The following COL4A5 variants were observed in gnomAD, a reference collection of about 807,000 sequenced individuals.
COL4A5 encodes the protein collagen type IV alpha 5 chain, also known as collagen alpha-5(IV) chain.
Under a neutral mutation model 130.2 loss-of-function variants are expected in COL4A5, and 26 were observed. The observed-to-expected ratio is 0.20, with a 90% confidence interval of 0.15 to 0.28. The LOEUF (loss-of-function observed/expected upper bound fraction) is 0.28, where lower values mean the gene tolerates loss of function less well. Among genes scored for constraint, COL4A5 ranks in the 10% least tolerant of loss-of-function variants. The pLI, the probability that COL4A5 is intolerant of heterozygous loss-of-function variation, is 1.00. For synonymous variants in COL4A5, 496 were observed against 439.6 expected (o/e 1.13, Z -1.60); for missense variants, 1,131 against 1,344.3 (o/e 0.84, Z 2.48).
chrX:108,694,695 T>G, intron 50 of COL4A5, 112 bp from the exon 51 acceptor site: 1 of 591,059 alleles, frequency 1.7e-6, no homozygotes, highest in Non-Finnish European at 2.9e-6. Context: ...TTGTGATCAT[T>G]GAAAGAGACA....
chrX:108,646,761 C>G lies in COL4A5; in HGVS notation c.3247-8570C>G, dbSNP rs769248117. Among the ~76,000 whole-genome samples, 491 of 111,296 alleles carry G rather than the reference C, an allele frequency of 4.4e-3. 1 individual carries two copies. The highest frequency in any genetic ancestry group is 0.012 in the South Asian group (33 of 2,654). On this transcript the variant is annotated intron_variant, in intron 36 of 52. Transcript: ENST00000328300. ...CCATCTTGAATTAATTTTTGTATAA[C>G]GTGTAAGGAAGGTATCCAGTTTCAG...
intron 1 of COL4A5, among the ~76,000 whole-genome samples, chrX:108,467,516 C>G (rs2064718170): frequency 9.0e-6 from 1 of 111,494 alleles, no homozygotes; most frequent in Non-Finnish European, 1.9e-5. Context: ...TGAAGATTGA[C>G]TTTACTATTA....
chrX:108,697,405 A>G lies in COL4A5; in HGVS notation c.*1027A>G, dbSNP rs182458116. ...CTTTTAAGTTACAAAAAGCCAATTG[A>G]TGTTTCTTATTCTTTTTAAATTTTA... On this transcript the variant is annotated 3_prime_UTR_variant, in exon 53 of 53. Transcript: ENST00000328300. The G allele has an allele frequency of 1.8e-5, 2 of 110,932 alleles. No individual in the cohort carries two copies. The highest frequency in any genetic ancestry group is 9.7e-5 in the Admixed American group (1 of 10,278). 9.1% of individuals were successfully genotyped at this position (110,932 alleles called of 1,213,427 possible).
At chrX:108,473,633 A>ATATTTTTTTTTT in intron 1 of COL4A5, among the ~76,000 whole-genome samples, 65 of 34,560 alleles carry the variant, frequency 1.9e-3, no homozygotes, top group African/African-American at 6.7e-3. Context: ...ATATATATAT[A>ATATTTTTTTTTT]TTTTTTTTTT....
chrX:108,506,048 G>A (rs1409431245), intron 1 of COL4A5, among the ~76,000 whole-genome samples: 1 of 111,745 alleles, frequency 8.9e-6, no homozygotes, highest in African/African-American at 3.3e-5. Flanking sequence ...AAATATTGTT[G>A]TCACTGAAGC....
At chrX:108,468,900 T>C (rs1265837250) in intron 1 of COL4A5, among the ~76,000 whole-genome samples, 1 of 111,085 alleles carries the variant, frequency 9.0e-6, no homozygotes, top group African/African-American at 3.3e-5. Flanking sequence ...GCTATTCTGC[T>C]TTTTGGAAGA....
Position 108,584,490 on chromosome X carries a change from A to C in COL4A5, c.997A>C (p.Lys333Gln). Residue 333 changes from lysine (K) to glutamine (Q), a missense_variant, in exon 18 of 53, where the codon AAA becomes CAA. Coordinates refer to ENST00000328300, the MANE Select transcript of COL4A5 (RefSeq NM_033380.3). ...TTACAATTGCATTGAACAGGGCCAA[A>C]AAGGTGACACTGGCCCACCTGGACC... Reference protein sequence around the residue: ...EPGRDGEKGQKGDTGPPGPPG... With the variant: ...EPGRDGEKGQQGDTGPPGPPG... The C allele has an allele frequency of 8.3e-7, 1 of 1,208,116 alleles. No individual in the cohort carries two copies. Among genetic ancestry groups the C allele is most frequent in the Non-Finnish European group, 1.1e-6 (1 of 893,438 alleles).
Position 108,580,548 on chromosome X carries a change from C to G in COL4A5, c.796C>G (p.Arg266Gly), listed in dbSNP as rs104886071. The change falls in exon 14 of 53, where the codon CGA (arginine) becomes GGA (glycine). Residue 266 changes from arginine to glycine, a missense_variant. Physicochemically the swap from Arg to Gly is moderately radical, Grantham distance 125 (BLOSUM62 -2). Coordinates refer to ENST00000328300, the MANE Select transcript of COL4A5 (RefSeq NM_033380.3). Reference sequence around the variant, plus strand: ...TACTGCATAGGGACTTCCTGGTGACCGAGGGCCTCCTGGACCTCCAGGGAT... The same window carrying G: ...TACTGCATAGGGACTTCCTGGTGACGGAGGGCCTCCTGGACCTCCAGGGAT... ...QKGDQGLPGD[R>G]GPPGPPGIRG... is the part of the protein sequence containing the mutation. 3.1e-5 allele frequency: 37 copies of G among 1,206,883 alleles called. No individual in the cohort carries two copies. The highest frequency in any genetic ancestry group is 4.0e-5 in the Non-Finnish European group (36 of 893,119).
intron 1 of COL4A5, among the ~76,000 whole-genome samples, chrX:108,493,605 T>C (rs979917602): frequency 9.0e-6 from 1 of 111,111 alleles, no homozygotes; most frequent in Non-Finnish European, 1.9e-5. Context: ...TGCTGCTATT[T>C]AACTTCAGTT....
intron 36 of COL4A5, among the ~76,000 whole-genome samples, chrX:108,647,260 G>A (rs1439448189): frequency 1.8e-5 from 2 of 111,298 alleles, no homozygotes; most frequent in Non-Finnish European, 3.8e-5. Context: ...ATTTCATTGA[G>A]CAGTGGTTTG....
chrX:108,666,471 T>A, intron 38 of COL4A5, 25 bp from the exon 39 acceptor site: 2 of 1,146,612 alleles, frequency 1.7e-6, no homozygotes. Flanking sequence ...AAACTGGGTG[T>A]AACCTGCTGT....
intron 6 of COL4A5, among the ~76,000 whole-genome samples, chrX:108,570,226 C>T: frequency 8.9e-6 from 1 of 111,815 alleles, no homozygotes; most frequent in Middle Eastern, 4.7e-3. Context: ...TTAGCTAGGG[C>T]AACCTTAAAG....
intron 1 of COL4A5, among the ~76,000 whole-genome samples, chrX:108,523,239 C>A (rs1378636227): frequency 2.6e-4 from 29 of 111,573 alleles, no homozygotes. Context: ...TGTGTTTAAT[C>A]TTTGATCTGT....
intron 19 of COL4A5, among the ~76,000 whole-genome samples, chrX:108,589,391 G>A (rs2066394621): frequency 9.1e-6 from 1 of 109,533 alleles, no homozygotes; most frequent in African/African-American, 3.3e-5. Flanking sequence ...GACAAATCTG[G>A]GTAAATAGAA....
chrX:108,670,937 G>A (rs766421526), intron 42 of COL4A5, among the ~76,000 whole-genome samples: 1 of 111,285 alleles, frequency 9.0e-6, no homozygotes, highest in East Asian at 2.8e-4. Flanking sequence ...AGCTACTAGG[G>A]AGGCTGAGAA....
At chrX:108,592,162 T>C (rs1000645670) in intron 21 of COL4A5, among the ~76,000 whole-genome samples, 22 of 111,823 alleles carry the variant, frequency 2.0e-4, no homozygotes, top group African/African-American at 6.5e-4. Context: ...ATTAAAGCAA[T>C]AACAAGAGAA....
intron 1 of COL4A5, among the ~76,000 whole-genome samples, chrX:108,463,571 T>G (rs1315090951): frequency 8.9e-6 from 1 of 111,767 alleles, no homozygotes; most frequent in Non-Finnish European, 1.9e-5. Flanking sequence ...TTGAAGATGA[T>G]ATAGGTGGAT....
At chrX:108,555,196 A>G (rs1189990068) in intron 2 of COL4A5, among the ~76,000 whole-genome samples, 1 of 111,985 alleles carries the variant, frequency 8.9e-6, no homozygotes, top group Non-Finnish European at 1.9e-5. Flanking sequence ...CTAAATCTCA[A>G]GCTTTGCAGC....
intron 1 of COL4A5, among the ~76,000 whole-genome samples, chrX:108,499,957 G>T (rs1341509286): frequency 9.0e-6 from 1 of 111,428 alleles, no homozygotes; most frequent in Non-Finnish European, 1.9e-5. Flanking sequence ...ACTAAGAGAG[G>T]CAGACAGACT....
Sources: gnomAD v4.1 joint callset for allele counts (sites outside exome capture counted in the v4.1 genomes callset) on GRCh38, gnomAD v4.1.1 for gene constraint, MANE v1.5 for transcripts, NCBI Gene and HGNC (gene_info 2026-07-23, HGNC 2026-07-21) for gene names.